Variants in SPIDR observed in about 807,000 individuals in gnomAD.
The protein encoded by SPIDR is DNA repair-scaffolding protein.
Under a neutral mutation model 104.6 loss-of-function variants are expected in SPIDR, and 93 were observed. The observed-to-expected ratio is 0.89, with a 90% CI of 0.75 to 1.06. The LOEUF is 1.06. SPIDR is among the 50% of genes least tolerant of loss of function. The probability of loss-of-function intolerance (pLI) is 0.00; values close to 1 mark genes in which losing one functional copy is unlikely to be tolerated. For synonymous variants in SPIDR, 431 were observed against 416.9 expected (o/e 1.03, Z -0.41); for missense variants, 1,154 against 1,111.2 (o/e 1.04, Z -0.55).
intron 5 of SPIDR, among the ~76,000 whole-genome samples, chr8:47,378,120 C>T (rs1554643458): frequency 6.6e-6 from 1 of 152,158 alleles, no homozygotes; most frequent in East Asian, 1.9e-4. Flanking sequence ...CCAGCACTAC[C>T]TTTGACATTT....
intron 5 of SPIDR, among the ~76,000 whole-genome samples, chr8:47,388,775 A>G (rs1041179342): frequency 1.3e-5 from 2 of 152,242 alleles, no homozygotes; most frequent in Non-Finnish European, 2.9e-5. Context: ...TGTTCTCTGA[A>G]AAGAGGAGTC....
At chr8:47,430,967 C>T (rs2067257467) in intron 7 of SPIDR, among the ~76,000 whole-genome samples, 1 of 152,200 alleles carries the variant, frequency 6.6e-6, no homozygotes, top group African/African-American at 2.4e-5. Flanking sequence ...TCATCAGTGT[C>T]AGTGTGTGTG....
At chr8:47,281,955 CT>C (rs2037873886) in intron 2 of SPIDR, among the ~76,000 whole-genome samples, 1 of 152,210 alleles carries the variant, frequency 6.6e-6, no homozygotes, top group African/African-American at 2.4e-5. Context: ...GATCCATAGT[CT>C]GCAGAATGGA....
intron 5 of SPIDR, among the ~76,000 whole-genome samples, chr8:47,366,958 C>G (rs1010719314): frequency 5.9e-5 from 9 of 152,126 alleles, no homozygotes; most frequent in Non-Finnish European, 1.2e-4. Flanking sequence ...TAAATGACCT[C>G]CAGTAGACCC....
At chr8:47,659,119 G>A (rs771951113) in intron 10 of SPIDR, among the ~76,000 whole-genome samples, 1 of 152,014 alleles carries the variant, frequency 6.6e-6, no homozygotes, top group Admixed American at 6.6e-5. Context: ...TTAGCTGGGC[G>A]AGGTGGTGAG....
In SPIDR at chr8:47,602,336, A is replaced by G. The variant is rs79432781; in HGVS notation, c.1544+3140A>G. 9.2e-3 allele frequency among the ~76,000 whole-genome samples: 1,405 copies of G among 152,298 alleles called. 23 individuals carry two copies. The highest frequency in any genetic ancestry group is 0.031 in the African/African-American group (1,307 of 41,560). ...ACCCCTTTCAACTAAAGGCAGCTCT[A>G]AGTCTGGTCTCCTTGTCTTTCAGAA... On this transcript the variant is annotated intron_variant, in intron 10 of 19. Coordinates refer to ENST00000297423, the MANE Select transcript of SPIDR (RefSeq NM_001080394.4).
intron 8 of SPIDR, among the ~76,000 whole-genome samples, chr8:47,532,989 A>G (rs562272803): frequency 6.6e-6 from 1 of 152,368 alleles, no homozygotes; most frequent in African/African-American, 2.4e-5. Context: ...GAAGTTAAAC[A>G]GTACACTTCT....
chr8:47,491,943 G>T (rs2078787234), intron 8 of SPIDR, among the ~76,000 whole-genome samples: 1 of 152,194 alleles, frequency 6.6e-6, no homozygotes, highest in Admixed American at 6.5e-5. Context: ...AACCTACAAT[G>T]ATGTGAGAAG....
At position 47,713,640 on chromosome 8, in the gene SPIDR, A is replaced by G. The variant is rs1331119721; in HGVS notation, c.2340A>G (p.Gln780=). The G allele has an allele frequency of 1.2e-6, 2 of 1,614,032 alleles. No individual in the cohort carries two copies. The highest frequency in any genetic ancestry group is 1.7e-6 in the Non-Finnish European group (2 of 1,179,962). ...ATPVNSICSV[Q]GTVVGVDEST... is the part of the protein sequence containing the mutation. ...CTGTCAACTCCATCTGCAGTGTTCA[A>G]GGTAGGCAGCCATCTCACAGGAATT... Residue 780 remains glutamine, a splice_region_variant and synonymous_variant, in exon 16 of 20, where the codon CAA becomes CAG. Coordinates refer to ENST00000297423, the MANE Select transcript of SPIDR (RefSeq NM_001080394.4).
At chr8:47,529,788 A>G (rs927763427) in intron 8 of SPIDR, among the ~76,000 whole-genome samples, 1 of 152,218 alleles carries the variant, frequency 6.6e-6, no homozygotes, top group African/African-American at 2.4e-5. Flanking sequence ...AATGACAGCA[A>G]TATTATAAGA....
chr8:47,582,865 CACACAT>C lies in SPIDR; in HGVS notation c.1098-12944_1098-12939del, dbSNP rs1403372143. On this transcript the variant is annotated intron_variant, in intron 8 of 19. Transcript: ENST00000297423. ...ACACACACACACACACACACACACA[CACACAT>C]ATTTTTAAAAGCTTTCCACCAGACA... 6.5e-4 allele frequency among the ~76,000 whole-genome samples: 86 copies of C among 133,132 alleles called. 1 individual carries two copies. Among genetic ancestry groups the C allele is most frequent in the Non-Finnish European group, 8.8e-4 (53 of 60,268 alleles). 87.3% of individuals were successfully genotyped at this position (133,132 alleles called of 152,430 possible).
At chr8:47,546,323 G>A (rs559205345) in intron 8 of SPIDR, among the ~76,000 whole-genome samples, 1 of 152,054 alleles carries the variant, frequency 6.6e-6, no homozygotes, top group Non-Finnish European at 1.5e-5. Context: ...TTTATATTGG[G>A]TGACTTGTGG....
Position 47,291,082 on chromosome 8 carries a change from C to G in SPIDR, c.306C>G (p.Ser102Arg). ...STSGLTDITW[S>R]SSGSDLSDED... ...GTGGGCTTACAGACATAACATGGAG[C>G]TCCAGTGGAAGTGATTTGTCGGATG... Residue 102 changes from serine (S) to arginine (R), a missense_variant, in exon 4 of 20, where the codon AGC becomes AGG. Ser to Arg is a moderately radical substitution (Grantham distance 110). Transcript: ENST00000297423. 1 of 1,613,186 alleles carries G rather than the reference C, an allele frequency of 6.2e-7. No individual in the cohort carries two copies. The highest frequency in any genetic ancestry group is 8.5e-7 in the Non-Finnish European group (1 of 1,179,478).
intron 8 of SPIDR, among the ~76,000 whole-genome samples, chr8:47,470,442 C>T (rs2075532092): frequency 6.6e-6 from 1 of 151,940 alleles, no homozygotes; most frequent in Admixed American, 6.6e-5. Context: ...GCGCCCACCA[C>T]CACGCCCAGC....
At chr8:47,646,936 CTT>C (rs1241779896) in intron 10 of SPIDR, among the ~76,000 whole-genome samples, 1 of 152,092 alleles carries the variant, frequency 6.6e-6, no homozygotes, top group Non-Finnish European at 1.5e-5. Context: ...ATGTTATACT[CTT>C]TGACCCAATA....
At chr8:47,717,934 G>A (rs2082799716) in intron 16 of SPIDR, among the ~76,000 whole-genome samples, 1 of 152,110 alleles carries the variant, frequency 6.6e-6, no homozygotes, top group Non-Finnish European at 1.5e-5. Context: ...GACCTCTGTG[G>A]GCTTTGCTGA....
intron 10 of SPIDR, among the ~76,000 whole-genome samples, chr8:47,602,543 C>G (rs2062421826): frequency 6.6e-6 from 1 of 152,184 alleles, no homozygotes; most frequent in African/African-American, 2.4e-5. Context: ...TTGTTTGCCA[C>G]AATAGTTGCC....
At chr8:47,569,444 C>T (rs1477035301) in intron 8 of SPIDR, among the ~76,000 whole-genome samples, 1 of 152,184 alleles carries the variant, frequency 6.6e-6, no homozygotes, top group African/African-American at 2.4e-5. Context: ...AATATTCCCA[C>T]CTAACAACAT....
intron 8 of SPIDR, among the ~76,000 whole-genome samples, chr8:47,519,925 G>A (rs1036350019): frequency 6.6e-6 from 1 of 152,132 alleles, no homozygotes; most frequent in Non-Finnish European, 1.5e-5. Context: ...AAAGACAACC[G>A]AATTAGTCAA....
Sources: gnomAD v4.1 joint callset for allele counts (sites outside exome capture counted in the v4.1 genomes callset) on GRCh38, gnomAD v4.1.1 for gene constraint, MANE v1.5 for transcripts, NCBI Gene and HGNC (gene_info 2026-07-23, HGNC 2026-07-21) for gene names.